Variants in ZNF804B observed in about 807,000 individuals in gnomAD.
ZNF804B encodes the protein zinc finger 804B.
ZNF804B carries 80 observed loss-of-function variants against 101.4 expected under a neutral mutation model. That is an observed-to-expected ratio of 0.79 (90% CI 0.66 to 0.95). The LOEUF is 0.95. Among genes scored for constraint, ZNF804B ranks in the 40% least tolerant of loss-of-function variants. The pLI is 0.00. For missense variants in ZNF804B, 1,673 were observed against 1,561.9 expected, an observed-to-expected ratio of 1.07 and a Z score of -1.20; for synonymous variants, 622 against 558.8, an observed-to-expected ratio of 1.11 and a Z score of -1.59.
chr7:88,886,758 G>A (rs936010716), intron 1 of ZNF804B, among the ~76,000 whole-genome samples: 3 of 151,294 alleles, frequency 2.0e-5, no homozygotes, highest in East Asian at 3.9e-4. Context: ...CTTATGAAAA[G>A]TAAAAAACTA....
At chr7:88,778,775 A>G (rs537134982) in intron 1 of ZNF804B, among the ~76,000 whole-genome samples, 1 of 152,308 alleles carries the variant, frequency 6.6e-6, no homozygotes, top group Admixed American at 6.5e-5. Context: ...CCCTGAAAGT[A>G]CTTCTTGATT....
chr7:89,217,244 T>C (rs1309635176), intron 1 of ZNF804B, among the ~76,000 whole-genome samples: 1 of 152,212 alleles, frequency 6.6e-6, no homozygotes, highest in African/African-American at 2.4e-5. Flanking sequence ...AAGAAGTTTT[T>C]CTGGTATATT....
At chr7:88,985,101 GTC>G (rs201274566) in intron 1 of ZNF804B, among the ~76,000 whole-genome samples, 1 of 151,896 alleles carries the variant, frequency 6.6e-6, no homozygotes, top group East Asian at 1.9e-4. Flanking sequence ...TCTTTAGAAA[GTC>G]TGACTGTATC....
chr7:88,857,822 CTTTTTT>C (rs55841922), intron 1 of ZNF804B, among the ~76,000 whole-genome samples: 4,513 of 80,886 alleles, frequency 0.056, 54 homozygotes, highest in East Asian at 0.25. Flanking sequence ...CCTTTCTTTT[CTTTTTT>C]TTTTTTTTTT....
chr7:89,280,645 GA>G (rs1208799383), intron 2 of ZNF804B, among the ~76,000 whole-genome samples: 1 of 152,124 alleles, frequency 6.6e-6, no homozygotes, highest in Non-Finnish European at 1.5e-5. Flanking sequence ...AAATAAACTA[GA>G]AAATCTAGAA....
At chr7:89,220,193 C>A (rs1421177042) in intron 2 of ZNF804B, among the ~76,000 whole-genome samples, 1 of 58,390 alleles carries the variant, frequency 1.7e-5, no homozygotes, top group African/African-American at 6.5e-5. Context: ...ATATATATAT[C>A]CTTGGGAAAT....
chr7:88,801,530 T>TA (rs1185503404), intron 1 of ZNF804B, among the ~76,000 whole-genome samples: 2 of 152,096 alleles, frequency 1.3e-5, no homozygotes, highest in Non-Finnish European at 2.9e-5. Context: ...TGATCCCTCT[T>TA]ATCTTCTGCC....
intron 1 of ZNF804B, among the ~76,000 whole-genome samples, chr7:88,931,239 T>C (rs1404449601): frequency 1.3e-5 from 2 of 151,908 alleles, no homozygotes; most frequent in African/African-American, 4.8e-5. Context: ...TAAGAACAAA[T>C]ACCAAAGAAT....
intron 1 of ZNF804B, among the ~76,000 whole-genome samples, chr7:89,091,382 A>C (rs1789883908): frequency 1.3e-5 from 2 of 152,150 alleles, no homozygotes; most frequent in Admixed American, 1.3e-4. Context: ...GGTGGCAAAA[A>C]GTTTATTATT....
intron 2 of ZNF804B, among the ~76,000 whole-genome samples, chr7:89,318,017 C>T (rs533145612): frequency 6.6e-6 from 1 of 152,216 alleles, no homozygotes; most frequent in Non-Finnish European, 1.5e-5. Context: ...GTTTAAAAAG[C>T]CAAGGCCTAG....
At chr7:89,284,521 A>G (rs946625539) in intron 2 of ZNF804B, among the ~76,000 whole-genome samples, 2 of 152,208 alleles carry the variant, frequency 1.3e-5, no homozygotes, top group African/African-American at 4.8e-5. Context: ...AACACAGCAT[A>G]AGGACCGCTG....
intron 1 of ZNF804B, chr7:88,794,946 G>GC: frequency 1.3e-6 from 2 of 1,557,436 alleles, no homozygotes; most frequent in South Asian, 1.2e-5. Flanking sequence ...AGGACATGAG[G>GC]AGTCTTATTT....
At chr7:88,949,132 C>T (rs1007489609) in intron 1 of ZNF804B, among the ~76,000 whole-genome samples, 2 of 151,490 alleles carry the variant, frequency 1.3e-5, no homozygotes, top group African/African-American at 2.4e-5. Flanking sequence ...TCCACTAATA[C>T]CAGAGATAAG....
At chr7:88,912,818 G>A (rs1792568955) in intron 1 of ZNF804B, among the ~76,000 whole-genome samples, 1 of 152,014 alleles carries the variant, frequency 6.6e-6, no homozygotes, top group Non-Finnish European at 1.5e-5. Flanking sequence ...AAAGCAAATT[G>A]TATTTGAAAC....
At chr7:89,251,762 A>T (rs956287821) in intron 2 of ZNF804B, among the ~76,000 whole-genome samples, 4 of 152,158 alleles carry the variant, frequency 2.6e-5, no homozygotes, top group African/African-American at 7.2e-5. Context: ...CTGCACACCT[A>T]TAACCATCTG....
At chr7:89,015,563 A>G (rs1392269253) in intron 1 of ZNF804B, among the ~76,000 whole-genome samples, 1 of 148,698 alleles carries the variant, frequency 6.7e-6, no homozygotes, top group Non-Finnish European at 1.5e-5. Flanking sequence ...TTCAATTCCC[A>G]CCTATGAGTG....
intron 1 of ZNF804B, among the ~76,000 whole-genome samples, chr7:88,859,749 TGGAAA>T (rs1791620547): frequency 6.6e-6 from 1 of 151,952 alleles, no homozygotes; most frequent in South Asian, 2.1e-4. Context: ...TGCATGCATA[TGGAAA>T]TATAGTGTTA....
intron 1 of ZNF804B, among the ~76,000 whole-genome samples, chr7:88,999,944 A>AT (rs1343810596): frequency 1.3e-5 from 2 of 151,928 alleles, no homozygotes; most frequent in Non-Finnish European, 2.9e-5. Context: ...GTAAAATGTG[A>AT]TTTTTACTCA....
intron 2 of ZNF804B, among the ~76,000 whole-genome samples, chr7:89,277,985 A>G (rs1383798902): frequency 6.6e-6 from 1 of 152,040 alleles, no homozygotes; most frequent in African/African-American, 2.4e-5. Flanking sequence ...AAGTGTTCTT[A>G]TTTCTCCACA....
Sources: allele counts gnomAD v4.1 joint callset (sites outside exome capture counted in the v4.1 genomes callset), GRCh38; gene constraint gnomAD v4.1.1; transcripts MANE v1.5; gene names NCBI Gene and HGNC (gene_info 2026-07-23, HGNC 2026-07-21).